Variants in CHD1 observed in about 807,000 individuals in gnomAD.
CHD1 encodes chromodomain helicase DNA binding protein 1.
A neutral mutation model predicts 224.2 loss-of-function variants in CHD1; 36 were observed. The ratio of observed to expected loss-of-function variants is 0.16; its 90% CI spans 0.12 to 0.21. The LOEUF (loss-of-function observed/expected upper bound fraction) is 0.21, where lower values mean the gene tolerates loss of function less well. Among genes scored for constraint, CHD1 ranks in the 10% least tolerant of loss-of-function variants. The pLI, the probability that CHD1 is intolerant of heterozygous loss-of-function variation, is 1.00. For synonymous variants in CHD1, 668 were observed against 658.3 expected (o/e 1.01, Z -0.23); for missense variants, 1,378 against 1,994.8 (o/e 0.69, Z 5.89).
At chr5:98,906,534 G>A (rs1752063302) in intron 2 of CHD1, among the ~76,000 whole-genome samples, 1 of 151,948 alleles carries the variant, frequency 6.6e-6, no homozygotes, top group Non-Finnish European at 1.5e-5. Context: ...CATGTGTTAG[G>A]CACTGGGGAC....
chr5:98,890,904 A>C (rs961148669), intron 15 of CHD1, among the ~76,000 whole-genome samples: 1 of 152,236 alleles, frequency 6.6e-6, no homozygotes, highest in African/African-American at 2.4e-5. Flanking sequence ...TAATAAACTC[A>C]GAGACAAATC....
chr5:98,858,113 A>T, intron 35 of CHD1, 67 bp downstream of exon 35: 1 of 1,262,242 alleles, frequency 7.9e-7, no homozygotes, highest in Non-Finnish European at 1.1e-6. Flanking sequence ...CAGGTCAAAT[A>T]CAGGAACATC....
At chr5:98,879,513 TCTTA>T (rs1750013116) in intron 23 of CHD1, 35 bp downstream of exon 23, 1 of 1,554,888 alleles carries the variant, frequency 6.4e-7, no homozygotes, top group Non-Finnish European at 8.6e-7. Flanking sequence ...GGTTGAATAC[TCTTA>T]CTTTATAGAA....
chr5:98,895,630 G>A (rs1476943854), intron 12 of CHD1, among the ~76,000 whole-genome samples: 1 of 151,720 alleles, frequency 6.6e-6, no homozygotes, highest in Non-Finnish European at 1.5e-5. Context: ...GCAGGCGCTT[G>A]TAATGCCAGC....
chr5:98,889,408 T>C (rs1179846105), intron 15 of CHD1, among the ~76,000 whole-genome samples, 170 bp from the exon 16 acceptor site: 1 of 152,198 alleles, frequency 6.6e-6, no homozygotes, highest in Non-Finnish European at 1.5e-5. Flanking sequence ...ATAATACTCA[T>C]GAGAACACAA....
intron 22 of CHD1, among the ~76,000 whole-genome samples, chr5:98,880,526 T>C (rs1416541755): frequency 1.3e-5 from 2 of 152,218 alleles, no homozygotes; most frequent in Non-Finnish European, 2.9e-5. Flanking sequence ...AGCTAAGATG[T>C]AGAGAAACCT....
chr5:98,916,782 T>C (rs1752763589), intron 2 of CHD1, among the ~76,000 whole-genome samples: 4 of 152,144 alleles, frequency 2.6e-5, no homozygotes, highest in African/African-American at 9.7e-5. Context: ...CAATGTAGTA[T>C]GTACCAGATG....
chr5:98,898,355 G>A lies in CHD1; in HGVS notation c.1266C>T (p.Ser422=). 1 of 1,602,804 alleles carries A rather than the reference G, an allele frequency of 6.2e-7. No individual in the cohort carries two copies. Among genetic ancestry groups the A allele is most frequent in the African/African-American group, 1.3e-5 (1 of 74,738 alleles). Residue 422 remains serine, a synonymous_variant, in exon 10 of 36, where the codon AGC becomes AGT. Transcript: ENST00000614616. Reference sequence around the variant, plus strand: ...TGGAAATGAGAGCTCCATCTTCCCAGCTGCACTCTGAGTATGGAAGGCCCT... The same window carrying A: ...TGGAAATGAGAGCTCCATCTTCCCAACTGCACTCTGAGTATGGAAGGCCCT... The part of the protein sequence containing the change: ...KWQGLPYSEC[S]WEDGALISKK...
intron 19 of CHD1, among the ~76,000 whole-genome samples, 193 bp from the exon 20 acceptor site, chr5:98,882,316 A>G (rs1298093107): frequency 6.6e-6 from 1 of 151,718 alleles, no homozygotes; most frequent in Non-Finnish European, 1.5e-5. Flanking sequence ...TTGAAACTAT[A>G]TCCTTCCTTC....
At chr5:98,861,955 A>T (rs970362377) in intron 32 of CHD1, among the ~76,000 whole-genome samples, 1 of 152,086 alleles carries the variant, frequency 6.6e-6, no homozygotes, top group Non-Finnish European at 1.5e-5. Flanking sequence ...TCAGGAGTTC[A>T]ACACCAGCCT....
intron 5 of CHD1, among the ~76,000 whole-genome samples, chr5:98,902,287 G>A (rs1056153384): frequency 4.6e-5 from 7 of 151,830 alleles, no homozygotes; most frequent in African/African-American, 7.3e-5. Flanking sequence ...ACAAATCTTC[G>A]CATTAAAAAT....
chr5:98,863,933 G>A (rs964874689), intron 31 of CHD1, among the ~76,000 whole-genome samples: 2 of 152,136 alleles, frequency 1.3e-5, no homozygotes, highest in African/African-American at 4.8e-5. Context: ...ATATTTCAGA[G>A]TATAACTTAA....
At position 98,883,665 on chromosome 5, in the gene CHD1, C is replaced by T. The variant is rs1261656317; in HGVS notation, c.2569-428G>A. ...AAAAAGATACTTGTACACACGATTA[C>T]AGCAGCACAATTTGCAACTGCAACA... On this transcript the variant is annotated intron_variant, in intron 18 of 35. Coordinates refer to ENST00000614616, the MANE Select transcript of CHD1 (RefSeq NM_001270.4). Among the ~76,000 whole-genome samples the T allele has an allele frequency of 4.0e-5, 6 of 151,644 alleles. No homozygotes were observed. The South Asian group carries it at 1.0e-3, about 26-fold the overall frequency.
intron 12 of CHD1, among the ~76,000 whole-genome samples, chr5:98,895,262 TA>T: frequency 6.6e-6 from 1 of 152,234 alleles, no homozygotes; most frequent in East Asian, 1.9e-4. Context: ...TAAGAAAACA[TA>T]AGTGATTAAT....
At position 98,869,803 on chromosome 5, in the gene CHD1, C is replaced by G. The variant is rs764144932; in HGVS notation, c.4058G>C (p.Ser1353Thr). ...KSIKVKEEIK[S>T]DSSPLPSEKS... The stretch of plus-strand genomic sequence containing the variant: ...CTCTGAAGGCAGAGGAGAAGAATCA[C>G]TCTTTATTTCCTCTTTCACTTTTAT... Residue 1353 changes from serine (S) to threonine (T), a missense_variant, in exon 30 of 36, where the codon AGT becomes ACT. Ser to Thr is a moderately conservative substitution (Grantham distance 58). Around this residue, in one of 16 missense-constraint regions of CHD1, gnomAD observed 105 missense variants for 93.4 expected, o/e 1.12. Coordinates refer to ENST00000614616, the MANE Select transcript of CHD1 (RefSeq NM_001270.4). 5.0e-6 allele frequency: 8 copies of G among 1,612,564 alleles called. No individual in the cohort carries two copies. In the East Asian group the frequency reaches 1.8e-4, roughly 36 times the overall value.
Position 98,858,345 on chromosome 5 carries a change from C to G in CHD1, c.4622G>C (p.Arg1541Thr), listed in dbSNP as rs775320788. ...GTGTCTATCAGAGGAATAACTGTCC[C>G]TGCTGCTATCATCGTGATTTGTATT... Reference protein sequence around the residue: ...KENTNHDDSSRDSYSSDRHLT... With the variant: ...KENTNHDDSSTDSYSSDRHLT... The change falls in exon 35 of 36, where the codon AGG (arginine) becomes ACG (threonine). Residue 1541 changes from arginine (R) to threonine (T), a missense_variant. This residue lies in a region of CHD1 where 278 missense variants were observed against 298.5 expected (regional missense o/e 0.93). Coordinates refer to ENST00000614616, the MANE Select transcript of CHD1 (RefSeq NM_001270.4). The G allele has an allele frequency of 6.2e-7, 1 of 1,612,858 alleles. No individual in the cohort carries two copies. Among genetic ancestry groups the G allele is most frequent in the Non-Finnish European group, 8.5e-7 (1 of 1,179,200 alleles).
intron 19 of CHD1, 152 bp downstream of exon 19, chr5:98,882,936 T>C: frequency 2.3e-6 from 1 of 427,114 alleles, no homozygotes; most frequent in Non-Finnish European, 4.0e-6. Context: ...CCAGGTGATT[T>C]TGGTAAACCA....
rs1383818040 is a variant in CHD1, at chr5:98,897,246, T to C, written c.1440A>G (p.Glu480=). 3 of 1,613,036 alleles carry C rather than the reference T, an allele frequency of 1.9e-6. No homozygotes were observed. The highest frequency in any genetic ancestry group is 1.1e-5 in the South Asian group (1 of 90,990). The change falls in exon 11 of 36, where the codon GAA becomes GAG. Residue 480 remains glutamate, a synonymous_variant. Transcript: ENST00000614616. ...AACCATTCAGTTGATAATCTCTTAATTCTAAGCCCTCATGTCCTCCAATAT... is the reference window on the plus strand; with the variant it reads ...AACCATTCAGTTGATAATCTCTTAACTCTAAGCCCTCATGTCCTCCAATAT... The part of the protein sequence containing the change: ...PSYIGGHEGL[E]LRDYQLNGLN...
rs1216549031 is a variant in CHD1, at chr5:98,900,991, TATCATA to T, written c.673_678del (p.Tyr225_Asp226del). ...TGGCGACGAGAACTTCTTTTATCAT[TATCATA>T]ATCTTCTTCATCATCATCCTCCTCA... On this transcript the variant is annotated inframe_deletion, in exon 7 of 36. Transcript: ENST00000614616. The T allele has an allele frequency of 1.9e-6, 3 of 1,613,900 alleles. No individual in the cohort carries two copies. Among genetic ancestry groups the T allele is most frequent in the Non-Finnish European group, 2.5e-6 (3 of 1,179,948 alleles).
Sources: allele counts gnomAD v4.1 joint callset (sites outside exome capture counted in the v4.1 genomes callset), GRCh38; gene constraint gnomAD v4.1.1; regional missense constraint gnomAD v4.1.1; transcripts MANE v1.5; gene names NCBI Gene and HGNC (gene_info 2026-07-23, HGNC 2026-07-21).